LMLN: variants seen among roughly 807,000 people sequenced by gnomAD.
The protein encoded by LMLN is leishmanolysin like peptidase, also known as leishmanolysin-like peptidase.
LMLN carries 70 observed loss-of-function variants against 92.3 expected under a neutral mutation model. The ratio of observed to expected loss-of-function variants is 0.76; its 90% CI spans 0.63 to 0.92. The LOEUF (loss-of-function observed/expected upper bound fraction) is 0.92. Ranked by LOEUF, LMLN falls within the 40% of genes least tolerant of loss-of-function variation. LMLN has a pLI of 0.00. For missense variants in LMLN, 691 were observed against 814.6 expected, an observed-to-expected ratio of 0.85 and a Z score of 1.85; for synonymous variants, 308 against 296.2, an observed-to-expected ratio of 1.04 and a Z score of -0.41.
chr3:197,978,145 T>C (rs573066236), intron 5 of LMLN, among the ~76,000 whole-genome samples: 2 of 132,364 alleles, frequency 1.5e-5, no homozygotes, highest in South Asian at 2.2e-4. Flanking sequence ...TCTGGAAGTA[T>C]ACACACGTTA....
At chr3:198,015,669 G>A (rs1722615898) in intron 11 of LMLN, among the ~76,000 whole-genome samples, 1 of 145,058 alleles carries the variant, frequency 6.9e-6, no homozygotes, top group Non-Finnish European at 1.5e-5. Flanking sequence ...CCCCTAACTA[G>A]TCTGACTTCC....
chr3:197,978,302 T>G (rs913446864), intron 5 of LMLN, among the ~76,000 whole-genome samples: 14 of 152,208 alleles, frequency 9.2e-5, no homozygotes, highest in Admixed American at 7.2e-4. Flanking sequence ...TGTGATGTTC[T>G]GAGTTTTCTT....
At chr3:197,970,087 G>A (rs1721182217) in intron 1 of LMLN, among the ~76,000 whole-genome samples, 1 of 152,030 alleles carries the variant, frequency 6.6e-6, no homozygotes, top group South Asian at 2.1e-4. Context: ...AGGAGGCGGA[G>A]GTTGCAGTGA....
At chr3:197,999,741 C>T (rs1560145249) in intron 11 of LMLN, 1 of 165,248 alleles carries the variant, frequency 6.1e-6, no homozygotes, top group Non-Finnish European at 1.3e-5. Context: ...TACCCAGGTT[C>T]ACAAACTTCT....
At chr3:197,995,420 G>A (rs1472566287) in intron 9 of LMLN, among the ~76,000 whole-genome samples, 1 of 152,126 alleles carries the variant, frequency 6.6e-6, no homozygotes, top group Non-Finnish European at 1.5e-5. Flanking sequence ...CCTTAAAAAG[G>A]CGGGAAATTT....
In LMLN at chr3:198,025,383, C is replaced by CT. The variant is rs893809783; in HGVS notation, c.1656+603dup. ...ACAATTTTTTTTCCTTTTTCTTTTT[C>CT]TTTTTTTTGAGACAAGGTCTTGCTC... is the stretch of plus-strand genomic sequence containing the variant. On this transcript the variant is annotated intron_variant, in intron 14 of 15. Transcript: ENST00000330198. This position sits in a 1 kb window ranked among gnomAD's most constrained non-coding sequence, Gnocchi z 4.3. Among the ~76,000 whole-genome samples, 4 of 151,642 alleles carry CT rather than the reference C, an allele frequency of 2.6e-5. No homozygotes were observed. Among genetic ancestry groups the CT allele is most frequent in the Non-Finnish European group, 5.9e-5 (4 of 67,834 alleles).
intron 9 of LMLN, among the ~76,000 whole-genome samples, chr3:197,995,299 C>T (rs1721986495): frequency 1.3e-5 from 2 of 152,256 alleles, no homozygotes; most frequent in Admixed American, 1.3e-4. Flanking sequence ...GGTAAGGCTT[C>T]TAGTCCATGG....
At chr3:197,967,639 TAAAC>T (rs1242661395) in intron 1 of LMLN, among the ~76,000 whole-genome samples, 2 of 152,156 alleles carry the variant, frequency 1.3e-5, no homozygotes, top group Non-Finnish European at 2.9e-5. Context: ...ATAAACATCT[TAAAC>T]AACAGAAAAC....
chr3:197,966,153 C>T (rs533875964), intron 1 of LMLN, among the ~76,000 whole-genome samples: 7 of 152,204 alleles, frequency 4.6e-5, no homozygotes, highest in Non-Finnish European at 1.0e-4. Context: ...AGCAATTCTC[C>T]TGCCTCAGCC....
In LMLN at chr3:197,989,388, T is replaced by C. The variant is rs1440387829; in HGVS notation, c.930-1171T>C. Among the ~76,000 whole-genome samples, 3 of 152,260 alleles carry C rather than the reference T, an allele frequency of 2.0e-5. No homozygotes were observed. In the East Asian group the frequency reaches 5.8e-4, roughly 29 times the overall value. On this transcript the variant is annotated intron_variant, in intron 8 of 15. Transcript: ENST00000330198. Reference sequence around the variant, plus strand: ...TTGAGAGATTTTTACGCTGTCATTTTTGCTTCTGACTTTCTGGAATTTATT... The same window carrying C: ...TTGAGAGATTTTTACGCTGTCATTTCTGCTTCTGACTTTCTGGAATTTATT...
At chr3:197,965,669 C>G (rs111475731) in intron 1 of LMLN, among the ~76,000 whole-genome samples, 2,131 of 152,256 alleles carry the variant, frequency 0.014, 60 homozygotes, top group African/African-American at 0.049. Context: ...AAGTCTAGCT[C>G]TTTTGGAGGC....
intron 14 of LMLN, among the ~76,000 whole-genome samples, chr3:198,032,321 GC>G (rs1723100144): frequency 6.6e-6 from 1 of 152,064 alleles, no homozygotes; most frequent in Non-Finnish European, 1.5e-5. Context: ...GATTTTGAAT[GC>G]TTTAACCTGT....
At chr3:198,012,114 G>T (rs146654023) in intron 11 of LMLN, among the ~76,000 whole-genome samples, 2,959 of 152,224 alleles carry the variant, frequency 0.019, 113 homozygotes, top group African/African-American at 0.068. Flanking sequence ...CACCCAGGCT[G>T]GAGTGCAGTG....
chr3:198,034,519 G>A (rs190016445), intron 14 of LMLN, among the ~76,000 whole-genome samples: 80 of 152,230 alleles, frequency 5.3e-4, no homozygotes, highest in Non-Finnish European at 8.5e-4. Flanking sequence ...GCTTAGGCAC[G>A]AGAATTGCTT....
At chr3:197,975,272 C>CT (rs918014283) in intron 3 of LMLN, among the ~76,000 whole-genome samples, 200 bp downstream of exon 3, 1 of 152,094 alleles carries the variant, frequency 6.6e-6, no homozygotes, top group Non-Finnish European at 1.5e-5. Context: ...TTAAATTAGT[C>CT]TTTTTTTGTA....
At chr3:197,990,611 T>G (rs747404896) in exon 9 of LMLN, 1 of 1,604,476 alleles carries the variant, frequency 6.2e-7, no homozygotes, top group East Asian at 2.2e-5. Context: ...GGAGAGATTA[T>G]GGGATGTTCG....
At chr3:197,963,883 T>C (rs1720975546) in intron 1 of LMLN, among the ~76,000 whole-genome samples, 1 of 152,254 alleles carries the variant, frequency 6.6e-6, no homozygotes, top group African/African-American at 2.4e-5. Flanking sequence ...TCTCTGACCA[T>C]TAAGTATGAT....
chr3:197,997,224 G>T (rs1722052884), intron 10 of LMLN, among the ~76,000 whole-genome samples: 1 of 151,830 alleles, frequency 6.6e-6, no homozygotes, highest in African/African-American at 2.4e-5. Flanking sequence ...CAATCTCCTG[G>T]GCTCAAATGC....
At chr3:198,003,653 T>C (rs548536876) in intron 11 of LMLN, among the ~76,000 whole-genome samples, 1 of 118,136 alleles carries the variant, frequency 8.5e-6, no homozygotes, top group Admixed American at 7.6e-5. Flanking sequence ...TCTATACAGA[T>C]ACATATCATA....
Sources: allele counts gnomAD v4.1 joint callset (sites outside exome capture counted in the v4.1 genomes callset), GRCh38; gene constraint gnomAD v4.1.1; non-coding constraint Gnocchi (gnomAD v3.1); transcripts MANE v1.5; gene names NCBI Gene and HGNC (gene_info 2026-07-23, HGNC 2026-07-21).